CORIN: variants seen among roughly 807,000 people sequenced by gnomAD.
CORIN encodes the protein atrial natriuretic peptide-converting enzyme.
In CORIN, 117 loss-of-function variants were observed where a neutral mutation model predicts 125.3. That is an observed-to-expected ratio of 0.93 (90% CI 0.80 to 1.09). The LOEUF is 1.09. Ranked by LOEUF, CORIN falls within the 50% of genes least tolerant of loss-of-function variation. The pLI, the probability that CORIN is intolerant of heterozygous loss-of-function variation, is 0.00. For missense variants in CORIN, 1,253 were observed against 1,306.7 expected, an observed-to-expected ratio of 0.96 and a Z score of 0.63; for synonymous variants, 450 against 466.4, an observed-to-expected ratio of 0.96 and a Z score of 0.45.
intron 3 of CORIN, among the ~76,000 whole-genome samples, chr4:47,771,990 A>G (rs1393870458): frequency 6.6e-6 from 1 of 152,092 alleles, no homozygotes; most frequent in Non-Finnish European, 1.5e-5. Flanking sequence ...TTTCTATATA[A>G]TTGTATATAT....
intron 5 of CORIN, among the ~76,000 whole-genome samples, chr4:47,701,237 G>A (rs909047670): frequency 4.6e-5 from 7 of 152,146 alleles, no homozygotes; most frequent in African/African-American, 1.7e-4. Flanking sequence ...TTCATTCAAC[G>A]TCCCTTGGTG....
chr4:47,661,856 C>T lies in CORIN; in HGVS notation c.1590G>A (p.Arg530=). The change falls in exon 12 of 22, where the codon AGG becomes AGA. Residue 530 remains arginine, a splice_region_variant and synonymous_variant. Coordinates refer to ENST00000273857, the MANE Select transcript of CORIN (RefSeq NM_006587.4). Reference sequence around the variant, plus strand: ...GTTCTTTAGAGTGTTCACACAATGCCCTAGATGAACAAGAAAGACAAAACA... The same window carrying T: ...GTTCTTTAGAGTGTTCACACAATGCTCTAGATGAACAAGAAAGACAAAACA... ...VNTGEHIPPC[R]ALCEHSKERC... 1 of 1,585,562 alleles carries T rather than the reference C, an allele frequency of 6.3e-7. No individual in the cohort carries two copies. The highest frequency in any genetic ancestry group is 8.6e-7 in the Non-Finnish European group (1 of 1,163,774).
rs61761810 is a variant in CORIN at position 47,695,885 on chromosome 4, A to T, written c.800-2802T>A. On this transcript the variant is annotated intron_variant, in intron 5 of 21. Coordinates refer to ENST00000273857, the MANE Select transcript of CORIN (RefSeq NM_006587.4). ...CATGAGGTCAACATTGAAATGGGCC[A>T]AAGCCACATAATTAAGGAAAGATGA... Among the ~76,000 whole-genome samples the T allele has an allele frequency of 7.3e-3, 1,107 of 152,336 alleles. 7 individuals are homozygous for T. The highest frequency in any genetic ancestry group is 0.012 in the Non-Finnish European group (830 of 68,030).
chr4:47,720,154 G>A (rs969112218), intron 5 of CORIN, among the ~76,000 whole-genome samples: 1 of 152,106 alleles, frequency 6.6e-6, no homozygotes, highest in African/African-American at 2.4e-5. Flanking sequence ...CTGCATCTGT[G>A]TTTGACTTGC....
At chr4:47,731,624 A>T (rs546398622) in intron 5 of CORIN, among the ~76,000 whole-genome samples, 206 of 152,262 alleles carry the variant, frequency 1.4e-3, no homozygotes, top group Non-Finnish European at 8.4e-4. Flanking sequence ...TAAACCCAGT[A>T]CTTTGGGAGG....
intron 19 of CORIN, among the ~76,000 whole-genome samples, chr4:47,614,615 C>T (rs1215462120): frequency 1.3e-5 from 2 of 152,096 alleles, no homozygotes; most frequent in South Asian, 2.1e-4. Context: ...AATTGATGTG[C>T]GGTCCAAGGC....
intron 10 of CORIN, among the ~76,000 whole-genome samples, chr4:47,672,951 A>G (rs1560499405): frequency 2.6e-5 from 4 of 152,040 alleles, no homozygotes; most frequent in Non-Finnish European, 5.9e-5. Context: ...GGTACTCACT[A>G]TAAGCTCTAC....
At chr4:47,596,854 C>G (rs1454934117) in intron 21 of CORIN, among the ~76,000 whole-genome samples, 1 of 152,138 alleles carries the variant, frequency 6.6e-6, no homozygotes, top group Non-Finnish European at 1.5e-5. Flanking sequence ...CACATATTAG[C>G]TCATTTAATC....
At chr4:47,716,309 C>T (rs1384673739) in intron 5 of CORIN, among the ~76,000 whole-genome samples, 1 of 152,140 alleles carries the variant, frequency 6.6e-6, no homozygotes, top group Non-Finnish European at 1.5e-5. Flanking sequence ...TGGGCTTTCA[C>T]ACACCTCAGC....
Position 47,784,373 on chromosome 4 carries a change from G to A in CORIN, c.409+2352C>T, listed in dbSNP as rs73150672. On this transcript the variant is annotated intron_variant, in intron 3 of 21. Coordinates refer to ENST00000273857, the MANE Select transcript of CORIN (RefSeq NM_006587.4). ...AAAATGACACATATGCTAGGGTTTTGGCCTTTCTCCATTTAGCCATTCTAA... is the reference window on the plus strand; with the variant it reads ...AAAATGACACATATGCTAGGGTTTTAGCCTTTCTCCATTTAGCCATTCTAA... Among the ~76,000 whole-genome samples the A allele has an allele frequency of 2.5e-3, 381 of 152,218 alleles. 4 individuals carry two copies. Among genetic ancestry groups the A allele is most frequent in the African/African-American group, 8.4e-3 (350 of 41,550 alleles).
At position 47,666,030 on chromosome 4, in the gene CORIN, T is replaced by C. The variant is rs1229810412; in HGVS notation, c.1358-767A>G. ...CTCATAATTATCTCCCCAAAGGTGG[T>C]CATGGTTCTAGCTGCCAGGGCCATA... is the stretch of plus-strand genomic sequence containing the variant. On this transcript the variant is annotated intron_variant, in intron 10 of 21. Coordinates refer to ENST00000273857, the MANE Select transcript of CORIN (RefSeq NM_006587.4). Among the ~76,000 whole-genome samples, 3 of 152,174 alleles carry C rather than the reference T, an allele frequency of 2.0e-5. No individual in the cohort carries two copies. The East Asian group carries it at 5.8e-4, about 29-fold the overall frequency.
intron 9 of CORIN, 25 bp from the exon 10 acceptor site, chr4:47,674,525 T>G (rs746988338): frequency 1.6e-5 from 23 of 1,419,902 alleles, no homozygotes; most frequent in Non-Finnish European, 2.2e-5. Flanking sequence ...AAAGGCACAT[T>G]GGCTTTCATC....
At chr4:47,698,794 A>G (rs999870578) in intron 5 of CORIN, among the ~76,000 whole-genome samples, 7 of 152,216 alleles carry the variant, frequency 4.6e-5, no homozygotes, top group Non-Finnish European at 8.8e-5. Context: ...AATGGACTAC[A>G]TATACAACAG....
chr4:47,648,495 T>C (rs936156398), intron 13 of CORIN, among the ~76,000 whole-genome samples: 4 of 152,144 alleles, frequency 2.6e-5, no homozygotes, highest in African/African-American at 9.7e-5. Context: ...GCTTACTCTA[T>C]CTCTCATTTT....
At chr4:47,833,907 T>C (rs1346979540) in intron 1 of CORIN, among the ~76,000 whole-genome samples, 2 of 152,064 alleles carry the variant, frequency 1.3e-5, no homozygotes, top group African/African-American at 4.8e-5. Context: ...AGATAACAAG[T>C]GTTGGATGCC....
intron 20 of CORIN, among the ~76,000 whole-genome samples, chr4:47,601,916 A>G (rs1721462339): frequency 6.6e-6 from 1 of 152,192 alleles, no homozygotes. Flanking sequence ...CTTCAAATAT[A>G]CAATTTCTAA....
intron 9 of CORIN, among the ~76,000 whole-genome samples, chr4:47,676,830 T>A (rs147345305): frequency 1.2e-3 from 180 of 152,296 alleles, no homozygotes; most frequent in African/African-American, 4.1e-3. Context: ...GAAAGAATAG[T>A]TTGATGCAAA....
At position 47,747,819 on chromosome 4, in the gene CORIN, G is replaced by A. The variant is rs539472409; in HGVS notation, c.618-3236C>T. Among the ~76,000 whole-genome samples, 7 of 152,252 alleles carry A rather than the reference G, an allele frequency of 4.6e-5. 1 individual carries two copies. The highest frequency in any genetic ancestry group is 2.6e-4 in the Admixed American group (4 of 15,288). ...GAAAAGTGAAGGTTTTGGAAGAGCT[G>A]GAGTTTGGACCATTTTTCATAGTCC... On this transcript the variant is annotated intron_variant, in intron 4 of 21. Coordinates refer to ENST00000273857, the MANE Select transcript of CORIN (RefSeq NM_006587.4).
In CORIN at chr4:47,723,838, T is replaced by G. The variant is rs137991761; in HGVS notation, c.799+20564A>C. 8.8e-3 allele frequency among the ~76,000 whole-genome samples: 1,331 copies of G among 151,282 alleles called. 22 individuals carry two copies. The highest frequency in any genetic ancestry group is 0.031 in the African/African-American group (1,256 of 41,180). ...GGTGAAACCCTGTCTCTACTAAAAA[T>G]ACAAAAAATTAGCCAGGCATGGTGG... On this transcript the variant is annotated intron_variant, in intron 5 of 21. Transcript: ENST00000273857.
Sources: gnomAD v4.1 joint callset for allele counts (sites outside exome capture counted in the v4.1 genomes callset) on GRCh38, gnomAD v4.1.1 for gene constraint, MANE v1.5 for transcripts, NCBI Gene and HGNC (gene_info 2026-07-23, HGNC 2026-07-21) for gene names.